SNX9: variants seen among roughly 807,000 people sequenced by gnomAD.
SNX9 encodes the protein sorting nexin 9, also known as sorting nexin-9.
SNX9 carries 44 observed loss-of-function variants against 89.4 expected under a neutral mutation model. That is an observed-to-expected ratio of 0.49 (90% CI 0.39 to 0.63). The LOEUF is 0.63. Among genes scored for constraint, SNX9 ranks in the 30% least tolerant of loss-of-function variants. The pLI, the probability that SNX9 is intolerant of heterozygous loss-of-function variation, is 0.00. For missense variants in SNX9, 578 were observed against 736.1 expected (o/e 0.79, Z 2.49); for synonymous variants, 236 against 247.8 (o/e 0.95, Z 0.45).
intron 1 of SNX9, among the ~76,000 whole-genome samples, chr6:157,827,205 CA>C (rs1306518048): frequency 8.8e-5 from 2 of 22,708 alleles, no homozygotes; most frequent in Admixed American, 1.6e-3. Flanking sequence ...AATATATAAA[CA>C]TATATTATAG....
chr6:157,855,505 A>C (rs1781992244), intron 1 of SNX9, among the ~76,000 whole-genome samples: 1 of 152,214 alleles, frequency 6.6e-6, no homozygotes, highest in Admixed American at 6.5e-5. Context: ...TGTTTCCCTA[A>C]ACCTTATGCC....
At position 157,943,053 on chromosome 6, in the gene SNX9, G is replaced by C. The variant is rs1025132912; in HGVS notation, c.*215G>C. 51 of 423,322 alleles carry C rather than the reference G, an allele frequency of 1.2e-4. No individual in the cohort carries two copies. The highest frequency in any genetic ancestry group is 2.0e-4 in the Non-Finnish European group (48 of 242,974). The allele number at this position is 423,322 out of a possible 1,614,324, so 26.2% of individuals were successfully genotyped here. A position where few individuals can be genotyped will look rare whatever the true frequency, so the allele number is the denominator to read the frequency against. On this transcript the variant is annotated 3_prime_UTR_variant, in exon 18 of 18. Transcript: ENST00000392185. ...ATTTCCGCATCCATTATTTAAACCAGTGGAAATTGTCTCTATTTTTGGAAA... is the reference window on the plus strand; with the variant it reads ...ATTTCCGCATCCATTATTTAAACCACTGGAAATTGTCTCTATTTTTGGAAA...
chr6:157,918,892 A>G (rs1783526869), intron 9 of SNX9, among the ~76,000 whole-genome samples: 1 of 152,006 alleles, frequency 6.6e-6, no homozygotes, highest in African/African-American at 2.4e-5. Context: ...CATTTATGCC[A>G]TTATTTTTAT....
chr6:157,875,119 TTCTC>T lies in SNX9; in HGVS notation c.248_251del (p.Leu83GlnfsTer118). ...CAGTGGCTGACCAAGCCTTCCTTGA[TTCTC>T]TCTCAGCCAGCACAGCTCAGGCCAG... is the stretch of plus-strand genomic sequence containing the variant. On this transcript the variant is annotated frameshift_variant, in exon 4 of 18. Coordinates refer to ENST00000392185, the MANE Select transcript of SNX9 (RefSeq NM_016224.5). LOFTEE classifies it high-confidence loss of function. 2 of 1,614,112 alleles carry T rather than the reference TTCTC, an allele frequency of 1.2e-6. No individual in the cohort carries two copies. Among genetic ancestry groups the T allele is most frequent in the Non-Finnish European group, 1.7e-6 (2 of 1,179,994 alleles).
At chr6:157,833,162 G>C (rs1338017859) in intron 1 of SNX9, among the ~76,000 whole-genome samples, 1 of 152,172 alleles carries the variant, frequency 6.6e-6, no homozygotes, top group Non-Finnish European at 1.5e-5. Flanking sequence ...TGAAAATTTA[G>C]ACGTATGTAT....
At chr6:157,868,108 T>C (rs1437600797) in intron 2 of SNX9, among the ~76,000 whole-genome samples, 3 of 152,208 alleles carry the variant, frequency 2.0e-5, no homozygotes, top group Non-Finnish European at 2.9e-5. Flanking sequence ...TAAGCTCTTT[T>C]CCTAAATCAG....
At chr6:157,843,174 T>C (rs921195640) in intron 1 of SNX9, among the ~76,000 whole-genome samples, 3 of 152,088 alleles carry the variant, frequency 2.0e-5, no homozygotes. Context: ...GTGCCAGCAA[T>C]GGGAGGATGC....
At chr6:157,911,308 T>C (rs16900507) in intron 9 of SNX9, among the ~76,000 whole-genome samples, 2,057 of 152,060 alleles carry the variant, frequency 0.014, 46 homozygotes, top group African/African-American at 0.042. Flanking sequence ...GACACTGAGA[T>C]GCTCACCTGA....
intron 1 of SNX9, among the ~76,000 whole-genome samples, chr6:157,863,879 T>A (rs1782197684): frequency 6.6e-6 from 1 of 152,260 alleles, no homozygotes; most frequent in Admixed American, 6.5e-5. Flanking sequence ...TGACATGTTA[T>A]ACTTATTTGG....
At chr6:157,915,515 G>A (rs1783441857) in intron 9 of SNX9, among the ~76,000 whole-genome samples, 1 of 150,616 alleles carries the variant, frequency 6.6e-6, no homozygotes, top group Non-Finnish European at 1.5e-5. Context: ...GCCAGGCGCG[G>A]TGGCTCATGC....
At chr6:157,894,062 A>T (rs1257443207) in intron 4 of SNX9, among the ~76,000 whole-genome samples, 2 of 150,392 alleles carry the variant, frequency 1.3e-5, no homozygotes, top group Non-Finnish European at 3.0e-5. Context: ...CAAGATGTTC[A>T]GCTGGATCCC....
intron 4 of SNX9, among the ~76,000 whole-genome samples, chr6:157,882,473 G>A (rs1782647092): frequency 1.3e-5 from 2 of 152,240 alleles, no homozygotes; most frequent in South Asian, 2.1e-4. Context: ...AATACATTTC[G>A]CAAGGCTATG....
intron 1 of SNX9, among the ~76,000 whole-genome samples, chr6:157,849,640 G>T (rs112386782): frequency 2.0e-5 from 3 of 152,204 alleles, no homozygotes; most frequent in African/African-American, 7.2e-5. Flanking sequence ...TGAGTAGATT[G>T]TAGCAGTATT....
At chr6:157,927,563 G>A (rs1783720014) in intron 11 of SNX9, among the ~76,000 whole-genome samples, 1 of 152,112 alleles carries the variant, frequency 6.6e-6, no homozygotes, top group South Asian at 2.1e-4. Context: ...TTGCCTTGAG[G>A]AAGCAGTCTC....
chr6:157,853,903 G>A (rs929097207), intron 1 of SNX9, among the ~76,000 whole-genome samples: 2 of 152,116 alleles, frequency 1.3e-5, no homozygotes, highest in Non-Finnish European at 2.9e-5. Context: ...TGTGTCACAA[G>A]GCACAGGCAG....
chr6:157,937,551 G>GACA, intron 15 of SNX9, 28 bp downstream of exon 15: 2 of 1,527,920 alleles, frequency 1.3e-6, no homozygotes, highest in Non-Finnish European at 1.8e-6. Flanking sequence ...ATTTATAGAA[G>GACA]ACAACAGCAG....
chr6:157,844,582 T>A (rs1045914825), intron 1 of SNX9, among the ~76,000 whole-genome samples: 24 of 148,656 alleles, frequency 1.6e-4, no homozygotes, highest in African/African-American at 6.1e-4. Context: ...TTGTGGCTAA[T>A]CCTTGTTTTT....
At chr6:157,827,544 T>TAAACATATAGTTTATATAATATATAAACA (rs1562586551) in intron 1 of SNX9, among the ~76,000 whole-genome samples, 1 of 19,690 alleles carries the variant, frequency 5.1e-5, no homozygotes, top group African/African-American at 4.5e-4. Flanking sequence ...TAAACATATA[T>TAAACATATAGTTTATATAATATATAAACA]TATATTATAG....
intron 9 of SNX9, among the ~76,000 whole-genome samples, chr6:157,914,069 T>G (rs568003341): frequency 2.1e-4 from 32 of 152,254 alleles, no homozygotes; most frequent in Non-Finnish European, 3.8e-4. Context: ...TGCCCAACTG[T>G]TTTTCAAAGA....
Sources: gnomAD v4.1 joint callset for allele counts (sites outside exome capture counted in the v4.1 genomes callset) on GRCh38, gnomAD v4.1.1 for gene constraint, MANE v1.5 for transcripts, NCBI Gene and HGNC (gene_info 2026-07-23, HGNC 2026-07-21) for gene names.